Variants in ARHGEF33 observed in about 807,000 individuals in gnomAD.
ARHGEF33 encodes DH and coiled-coil domain-containing protein ENSP00000381780.
ARHGEF33 carries 72 observed loss-of-function variants against 101.9 expected under a neutral mutation model. That is an observed-to-expected ratio of 0.71 (90% CI 0.58 to 0.86). ARHGEF33 has a LOEUF of 0.86. Ranked by LOEUF, ARHGEF33 falls within the 40% of genes least tolerant of loss-of-function variation. The pLI is 0.00. For missense variants in ARHGEF33, 1,169 were observed against 1,111.3 expected, an observed-to-expected ratio of 1.05 and a Z score of -0.74; for synonymous variants, 499 against 442.5, an observed-to-expected ratio of 1.13 and a Z score of -1.60.
At chr2:38,962,565 CAA>C (rs1468667376) in intron 16 of ARHGEF33, among the ~76,000 whole-genome samples, 2 of 152,062 alleles carry the variant, frequency 1.3e-5, no homozygotes, top group African/African-American at 4.8e-5. Context: ...AGACATGCGT[CAA>C]GTCAGTTCAA....
chr2:38,946,718 C>A (rs1012357175), intron 10 of ARHGEF33, among the ~76,000 whole-genome samples: 1 of 152,136 alleles, frequency 6.6e-6, no homozygotes, highest in Non-Finnish European at 1.5e-5. Flanking sequence ...CTCCACTTCC[C>A]GGGTTCAAGT....
chr2:38,967,164 C>T (rs1219900157), intron 17 of ARHGEF33, among the ~76,000 whole-genome samples: 1 of 152,208 alleles, frequency 6.6e-6, no homozygotes, highest in East Asian at 1.9e-4. Flanking sequence ...AGACTGTGGT[C>T]CTCATGGAGG....
intron 2 of ARHGEF33, among the ~76,000 whole-genome samples, chr2:38,909,706 ATTTT>A (rs71813216): frequency 2.7e-5 from 3 of 111,854 alleles, no homozygotes; most frequent in African/African-American, 3.5e-5. Context: ...TTCAAGGATG[ATTTT>A]TTTTTTTTTT....
chr2:38,964,078 G>A (rs562162238), intron 16 of ARHGEF33, among the ~76,000 whole-genome samples: 2 of 152,252 alleles, frequency 1.3e-5, no homozygotes, highest in African/African-American at 2.4e-5. Context: ...TGGGGGTGAT[G>A]GGTGAGAGTG....
chr2:38,931,098 C>G lies in ARHGEF33; in HGVS notation c.363-11C>G. 1 of 1,540,052 alleles carries G rather than the reference C, an allele frequency of 6.5e-7. No individual in the cohort carries two copies. The highest frequency in any genetic ancestry group is 8.7e-7 in the Non-Finnish European group (1 of 1,143,510). On this transcript the variant is annotated splice_polypyrimidine_tract_variant and intron_variant, in intron 6 of 17. Coordinates refer to ENST00000409978, the MANE Select transcript of ARHGEF33 (RefSeq NM_001145451.5). The stretch of plus-strand genomic sequence containing the variant: ...AACCAGAATAGCCTTGTCTTTGTTT[C>G]TCTTTCCTAGGAAAACTCAAAAAGA...
rs1245198016 is a variant in ARHGEF33, at chr2:38,937,425, T to A, written c.656T>A (p.Met219Lys). Residue 219 changes from methionine (M) to lysine (K), a missense_variant, in exon 9 of 18, where the codon ATG becomes AAG. Met to Lys is a moderately conservative substitution (Grantham distance 95). Coordinates refer to ENST00000409978, the MANE Select transcript of ARHGEF33 (RefSeq NM_001145451.5). ...IQSKGHLPSGMWRQPKDGKEW... is the reference protein window; with the variant it reads ...IQSKGHLPSGKWRQPKDGKEW... ...TCCAAGGGCCATCTCCCATCTGGCA[T>A]GTGGAGGCAGCCTAAGGATGGTAAA... The A allele has an allele frequency of 5.3e-6, 8 of 1,520,710 alleles. No individual in the cohort carries two copies. The highest frequency in any genetic ancestry group is 7.1e-6 in the Non-Finnish European group (8 of 1,129,432). The allele number at this position is 1,520,710 out of a possible 1,614,324, so 94.2% of individuals were successfully genotyped here.
chr2:38,972,982 T>C (rs1228386297), intron 17 of ARHGEF33: 1 of 152,236 alleles, frequency 6.6e-6, no homozygotes, highest in Admixed American at 6.5e-5. Context: ...TTATCAGAGG[T>C]TATTTCCAGA....
chr2:38,935,631 T>G, intron 7 of ARHGEF33, 144 bp from the exon 8 acceptor site: 1 of 589,546 alleles, frequency 1.7e-6, no homozygotes, highest in African/African-American at 2.0e-5. Flanking sequence ...CTTGCCACAC[T>G]ATACTGTAAT....
rs538266503 is a variant in ARHGEF33, at chr2:38,948,126, G to A, written c.921-2863G>A. 2.2e-3 allele frequency among the ~76,000 whole-genome samples: 341 copies of A among 151,842 alleles called. 3 individuals are homozygous for A. The highest frequency in any genetic ancestry group is 8.0e-3 in the African/African-American group (331 of 41,418). On this transcript the variant is annotated intron_variant, in intron 10 of 17. Transcript: ENST00000409978. The stretch of plus-strand genomic sequence containing the variant: ...AAAAAAGCTGAGCTCTGAATACTTC[G>A]TCTTCATGAAAAAGTTGCTTCTGGG...
intron 1 of ARHGEF33, among the ~76,000 whole-genome samples, chr2:38,890,332 A>G (rs1250697197): frequency 6.6e-6 from 1 of 152,236 alleles, no homozygotes; most frequent in Non-Finnish European, 1.5e-5. Flanking sequence ...CGTAAATCTG[A>G]CATGGACATG....
At position 38,958,084 on chromosome 2, in the gene ARHGEF33, C is replaced by G; in HGVS notation, c.1421C>G (p.Ala474Gly). Residue 474 changes from alanine to glycine, a missense_variant, in exon 15 of 18, where the codon GCT (alanine) becomes GGT (glycine). Physicochemically the swap from Ala to Gly is moderately conservative, Grantham distance 60 (BLOSUM62 0). Transcript: ENST00000409978. ...YKGLASQCANAGQDASPTAGP... is the reference protein window; with the variant it reads ...YKGLASQCANGGQDASPTAGP... ...GGGCTGGCTTCCCAGTGTGCCAATG[C>G]TGGGCAAGATGCTTCCCCCACTGCA... 1 of 1,552,216 alleles carries G rather than the reference C, an allele frequency of 6.4e-7. No individual in the cohort carries two copies. Among genetic ancestry groups the G allele is most frequent in the South Asian group, 1.2e-5 (1 of 84,062 alleles).
chr2:38,910,751 T>C (rs1422196128), intron 2 of ARHGEF33, among the ~76,000 whole-genome samples: 1 of 152,220 alleles, frequency 6.6e-6, no homozygotes, highest in Admixed American at 6.5e-5. Context: ...AAAACTTTCT[T>C]CCTTGTATCA....
At chr2:38,965,577 T>G (rs955896785) in intron 16 of ARHGEF33, among the ~76,000 whole-genome samples, 4 of 152,196 alleles carry the variant, frequency 2.6e-5, no homozygotes, top group African/African-American at 7.2e-5. Context: ...GTAAGGAACA[T>G]CCTTATTTTG....
chr2:38,911,300 C>G (rs1241174477), intron 2 of ARHGEF33, among the ~76,000 whole-genome samples: 1 of 152,184 alleles, frequency 6.6e-6, no homozygotes, highest in African/African-American at 2.4e-5. Context: ...CACCCTCCCC[C>G]CAGCATAAAA....
chr2:38,973,672 A>T (rs1257466910), intron 17 of ARHGEF33, 42 bp from the exon 18 acceptor site: 2 of 1,445,826 alleles, frequency 1.4e-6, no homozygotes, highest in African/African-American at 1.5e-5. Flanking sequence ...AAACAATTAA[A>T]ACCAAATCAA....
intron 6 of ARHGEF33, among the ~76,000 whole-genome samples, chr2:38,930,124 C>G (rs1366809570): frequency 1.3e-5 from 2 of 152,148 alleles, no homozygotes; most frequent in Admixed American, 6.5e-5. Context: ...GAAAGATTTA[C>G]TTAAAAATAA....
chr2:38,968,891 G>GT (rs1179852438), intron 17 of ARHGEF33, among the ~76,000 whole-genome samples: 1 of 152,138 alleles, frequency 6.6e-6, no homozygotes, highest in Non-Finnish European at 1.5e-5. Flanking sequence ...CTTAAGTAGC[G>GT]TTTTCTGAGT....
intron 7 of ARHGEF33, among the ~76,000 whole-genome samples, chr2:38,933,559 T>G (rs935726550): frequency 5.3e-5 from 8 of 152,172 alleles, no homozygotes; most frequent in Non-Finnish European, 8.8e-5. Flanking sequence ...AATTTTTGTA[T>G]TTTTAGTAGA....
At position 38,953,823 on chromosome 2, in the gene ARHGEF33, C is replaced by T. The variant is rs369897382; in HGVS notation, c.1138-550C>T. ...TCTTACTAAGTTTCTACTTCAACCC[C>T]CCACTACTCCCAACCCAGTATAATG... On this transcript the variant is annotated intron_variant, in intron 12 of 17. Coordinates refer to ENST00000409978, the MANE Select transcript of ARHGEF33 (RefSeq NM_001145451.5). Among the ~76,000 whole-genome samples, 12 of 152,320 alleles carry T rather than the reference C, an allele frequency of 7.9e-5. 1 individual carries two copies. In the East Asian group the frequency reaches 2.3e-3, roughly 29 times the overall value.
Sources: gnomAD v4.1 joint callset for allele counts (sites outside exome capture counted in the v4.1 genomes callset) on GRCh38, gnomAD v4.1.1 for gene constraint, MANE v1.5 for transcripts, NCBI Gene and HGNC (gene_info 2026-07-23, HGNC 2026-07-21) for gene names.